The following SHOC2 variants were observed in gnomAD, a reference collection of about 807,000 sequenced individuals.
The protein encoded by SHOC2 is SHOC2 leucine rich repeat scaffold protein.
Under a neutral mutation model 50.2 loss-of-function variants are expected in SHOC2, and 4 were observed. That is an observed-to-expected ratio of 0.08 (90% CI 0.04 to 0.18). The LOEUF (loss-of-function observed/expected upper bound fraction) is 0.18, where lower values mean the gene tolerates loss of function less well. Among genes scored for constraint, SHOC2 ranks in the 10% least tolerant of loss-of-function variants. The probability of loss-of-function intolerance (pLI) is 1.00; values close to 1 mark genes in which losing one functional copy is unlikely to be tolerated. For missense variants in SHOC2, 388 were observed against 669.6 expected, an observed-to-expected ratio of 0.58 and a Z score of 4.64; for synonymous variants, 218 against 244.5, an observed-to-expected ratio of 0.89 and a Z score of 1.01.
chr10:110,999,760 G>GAAAAAAAAAAAAA (rs1848335373), intron 3 of SHOC2, among the ~76,000 whole-genome samples: 1 of 87,802 alleles, frequency 1.1e-5, no homozygotes, highest in African/African-American at 3.8e-5. Context: ...AAAAAAAAAA[G>GAAAAAAAAAAAAA]AAAGAAAAGA....
intron 1 of SHOC2, among the ~76,000 whole-genome samples, chr10:110,961,360 T>C (rs559215052): frequency 2.6e-5 from 4 of 152,224 alleles, no homozygotes; most frequent in Non-Finnish European, 5.9e-5. Flanking sequence ...TTTTCTTATC[T>C]AAAACGTTTG....
intron 1 of SHOC2, among the ~76,000 whole-genome samples, chr10:110,943,020 T>C (rs951472848): frequency 3.3e-5 from 5 of 152,200 alleles, no homozygotes; most frequent in African/African-American, 1.2e-4. Flanking sequence ...TGAAGAATTC[T>C]TTCTGTCTGT....
intron 1 of SHOC2, among the ~76,000 whole-genome samples, chr10:110,939,964 A>G (rs1482385771): frequency 6.6e-6 from 1 of 152,236 alleles, no homozygotes; most frequent in Non-Finnish European, 1.5e-5. Flanking sequence ...ATTAAAATTT[A>G]TAGAATATAT....
intron 2 of SHOC2, among the ~76,000 whole-genome samples, chr10:110,984,967 C>T (rs1848050338): frequency 6.6e-6 from 1 of 151,968 alleles, no homozygotes; most frequent in Non-Finnish European, 1.5e-5. Flanking sequence ...TTTGGCAACA[C>T]AGTGAACTGC....
chr10:110,934,641 A>G (rs1429051236), intron 1 of SHOC2, among the ~76,000 whole-genome samples: 1 of 152,082 alleles, frequency 6.6e-6, no homozygotes, highest in African/African-American at 2.4e-5. Context: ...GTCTCCTAAG[A>G]TATATTCCTT....
chr10:110,924,854 G>C (rs1367512064), intron 1 of SHOC2, among the ~76,000 whole-genome samples: 2 of 152,032 alleles, frequency 1.3e-5, no homozygotes, highest in African/African-American at 4.8e-5. Flanking sequence ...CAGATCGCTT[G>C]AGGTCAGGAG....
intron 1 of SHOC2, among the ~76,000 whole-genome samples, chr10:110,958,317 G>T (rs971609911): frequency 6.6e-6 from 1 of 151,760 alleles, no homozygotes; most frequent in African/African-American, 2.4e-5. Flanking sequence ...CAGTTCAAGC[G>T]ATTCTTCTGC....
chr10:111,009,044 T>G (rs1035735665), intron 6 of SHOC2, among the ~76,000 whole-genome samples: 1 of 152,180 alleles, frequency 6.6e-6, no homozygotes, highest in Non-Finnish European at 1.5e-5. Flanking sequence ...AGTTTTGATA[T>G]AATCAAATAA....
intron 1 of SHOC2, among the ~76,000 whole-genome samples, chr10:110,922,587 G>A (rs979369237): frequency 1.3e-5 from 2 of 151,906 alleles, no homozygotes; most frequent in Non-Finnish European, 2.9e-5. Flanking sequence ...TGTATCTTTA[G>A]AATTTGGTTT....
intron 4 of SHOC2, among the ~76,000 whole-genome samples, chr10:111,003,891 ATAAATAGAGC>A (rs1282224673): frequency 2.0e-5 from 3 of 152,204 alleles, no homozygotes; most frequent in African/African-American, 7.2e-5. Context: ...ATGTACTTCT[ATAAATAGAGC>A]TTAATCTTCT....
intron 1 of SHOC2, among the ~76,000 whole-genome samples, chr10:110,928,323 A>G (rs1846817222): frequency 6.6e-6 from 1 of 151,988 alleles, no homozygotes; most frequent in Admixed American, 6.6e-5. Flanking sequence ...ATTTCCCGAG[A>G]CTGTTGTGCA....
intron 1 of SHOC2, among the ~76,000 whole-genome samples, chr10:110,947,825 G>T (rs1319772162): frequency 6.7e-6 from 1 of 148,632 alleles, no homozygotes; most frequent in Non-Finnish European, 1.5e-5. Context: ...GAAAGAAATA[G>T]AGGAGCTACA....
At chr10:110,996,110 A>C (rs372718197) in intron 3 of SHOC2, among the ~76,000 whole-genome samples, 9 of 152,364 alleles carry the variant, frequency 5.9e-5, no homozygotes, top group East Asian at 1.9e-4. Context: ...GTGTGGCACT[A>C]TGCAATTATA....
At chr10:110,928,242 G>C (rs1006329723) in intron 1 of SHOC2, among the ~76,000 whole-genome samples, 1 of 151,930 alleles carries the variant, frequency 6.6e-6, no homozygotes, top group African/African-American at 2.4e-5. Context: ...GCTTGAACCT[G>C]AGGGGCAGAG....
chr10:110,990,851 A>T (rs943273652), intron 3 of SHOC2, among the ~76,000 whole-genome samples: 3 of 152,194 alleles, frequency 2.0e-5, no homozygotes, highest in African/African-American at 7.2e-5. Context: ...TTGAAATGTT[A>T]TCAAGTGATT....
intron 2 of SHOC2, among the ~76,000 whole-genome samples, chr10:110,968,240 G>A (rs980371921): frequency 6.6e-6 from 1 of 152,054 alleles, no homozygotes; most frequent in African/African-American, 2.4e-5. Flanking sequence ...ATTCTTGAGA[G>A]CTATCTTTTA....
intron 2 of SHOC2, among the ~76,000 whole-genome samples, chr10:110,973,687 T>C (rs1048826745): frequency 6.6e-6 from 1 of 152,050 alleles, no homozygotes; most frequent in African/African-American, 2.4e-5. Context: ...TTTTTGTGTG[T>C]ATGGACAAGT....
chr10:110,989,375 T>G (rs942301816), intron 3 of SHOC2, among the ~76,000 whole-genome samples: 3 of 152,240 alleles, frequency 2.0e-5, no homozygotes, highest in African/African-American at 7.2e-5. Flanking sequence ...TTGCCATAGT[T>G]GCCTCAGTCA....
At chr10:110,936,975 T>A (rs1286953809) in intron 1 of SHOC2, 1 of 1,455,606 alleles carries the variant, frequency 6.9e-7, no homozygotes, top group Non-Finnish European at 9.6e-7. Flanking sequence ...TGGGGCAGCA[T>A]ACTTCGCACA....
Sources: gnomAD v4.1 joint callset for allele counts (sites outside exome capture counted in the v4.1 genomes callset) on GRCh38, gnomAD v4.1.1 for gene constraint, MANE v1.5 for transcripts, NCBI Gene and HGNC (gene_info 2026-07-23, HGNC 2026-07-21) for gene names.